The following NRXN1 variants were observed in gnomAD, a reference collection of about 807,000 sequenced individuals.
The protein encoded by NRXN1 is neurexin 1.
Under a neutral mutation model 150.9 loss-of-function variants are expected in NRXN1, and 39 were observed. The observed-to-expected ratio is 0.26, with a 90% CI of 0.20 to 0.34. NRXN1 has a LOEUF of 0.34. NRXN1 is among the 10% of genes least tolerant of loss of function. The probability of loss-of-function intolerance (pLI) is 1.00; values close to 1 mark genes in which losing one functional copy is unlikely to be tolerated. For synonymous variants in NRXN1, 924 were observed against 757.0 expected (o/e 1.22, Z -3.62); for missense variants, 1,815 against 1,949.9 (o/e 0.93, Z 1.30).
At chr2:50,368,258 C>A (rs1258100564) in intron 17 of NRXN1, among the ~76,000 whole-genome samples, 1 of 151,804 alleles carries the variant, frequency 6.6e-6, no homozygotes, top group Non-Finnish European at 1.5e-5. Flanking sequence ...ACATTTTCAA[C>A]TGGTGGGATA....
At chr2:50,367,377 C>T (rs2079660035) in intron 17 of NRXN1, among the ~76,000 whole-genome samples, 2 of 152,014 alleles carry the variant, frequency 1.3e-5, no homozygotes, top group African/African-American at 4.8e-5. Context: ...GTAAGAAACA[C>T]ATCTTCCCAG....
At chr2:50,195,704 C>A (rs1520520) in intron 18 of NRXN1, among the ~76,000 whole-genome samples, 2,877 of 152,182 alleles carry the variant, frequency 0.019, 96 homozygotes, top group African/African-American at 0.066. Flanking sequence ...GAGAAACTGG[C>A]AATAACTATG....
intron 21 of NRXN1, among the ~76,000 whole-genome samples, chr2:49,952,505 C>A (rs1352735097): frequency 6.6e-6 from 1 of 151,952 alleles, no homozygotes; most frequent in Non-Finnish European, 1.5e-5. Context: ...ATGGAGTTAA[C>A]CCAGAGAGTT....
At chr2:50,026,930 G>C (rs1185145850) in intron 21 of NRXN1, among the ~76,000 whole-genome samples, 3 of 125,784 alleles carry the variant, frequency 2.4e-5, no homozygotes, top group African/African-American at 9.4e-5. Flanking sequence ...ACCCAGGCTG[G>C]AGTGCCAGTG....
intron 21 of NRXN1, among the ~76,000 whole-genome samples, chr2:49,960,887 C>T (rs1675820039): frequency 6.6e-6 from 1 of 152,084 alleles, no homozygotes; most frequent in African/African-American, 2.4e-5. Context: ...ATTCTTTTCC[C>T]CATAAATGGA....
intron 17 of NRXN1, among the ~76,000 whole-genome samples, chr2:50,279,232 C>CG (rs2152930801): frequency 6.6e-6 from 1 of 152,214 alleles, no homozygotes; most frequent in South Asian, 2.1e-4. Context: ...TAAAACAGCC[C>CG]TAAGGTACTG....
intron 5 of NRXN1, among the ~76,000 whole-genome samples, chr2:50,847,337 G>T (rs896982792): frequency 2.0e-5 from 3 of 152,276 alleles, no homozygotes; most frequent in African/African-American, 4.8e-5. Context: ...GGCGTTTAGA[G>T]GGATATATCA....
chr2:50,646,373 G>A (rs75178938), intron 5 of NRXN1, among the ~76,000 whole-genome samples: 1,774 of 152,128 alleles, frequency 0.012, 36 homozygotes, highest in African/African-American at 0.04. Context: ...AGTGGAAGCA[G>A]GAAATACTCT....
intron 18 of NRXN1, among the ~76,000 whole-genome samples, chr2:50,165,675 T>A (rs914309438): frequency 3.3e-5 from 5 of 152,126 alleles, no homozygotes; most frequent in African/African-American, 1.2e-4. Flanking sequence ...TCATTTAAGG[T>A]CTCTGAGCCT....
intron 5 of NRXN1, among the ~76,000 whole-genome samples, chr2:50,875,257 A>C (rs1490451313): frequency 6.6e-6 from 1 of 151,838 alleles, no homozygotes; most frequent in East Asian, 2.0e-4. Context: ...TGACCATATA[A>C]CTTCTTCACT....
chr2:50,061,115 T>A (rs544335169), intron 19 of NRXN1, among the ~76,000 whole-genome samples: 15 of 152,324 alleles, frequency 9.8e-5, no homozygotes, highest in South Asian at 4.1e-4. Context: ...GGAAGTATAT[T>A]ATTTTAAATA....
At chr2:49,975,063 C>G (rs1164858824) in intron 21 of NRXN1, among the ~76,000 whole-genome samples, 3 of 150,972 alleles carry the variant, frequency 2.0e-5, no homozygotes, top group Non-Finnish European at 3.0e-5. Context: ...TGTTTACACA[C>G]TTCTTCAATG....
chr2:50,221,404 C>A (rs1012037479), intron 18 of NRXN1, among the ~76,000 whole-genome samples: 39 of 152,080 alleles, frequency 2.6e-4, no homozygotes, highest in African/African-American at 9.2e-4. Flanking sequence ...ACAGCCACGG[C>A]ATTAACAAAT....
intron 17 of NRXN1, among the ~76,000 whole-genome samples, chr2:50,465,023 A>C (rs1050209439): frequency 3.9e-5 from 6 of 151,988 alleles, no homozygotes; most frequent in African/African-American, 1.2e-4. Flanking sequence ...GGGCTTAAAG[A>C]GATGTACGCA....
intron 8 of NRXN1, among the ~76,000 whole-genome samples, chr2:50,591,438 A>AGATAGATAGATG (rs1674225730): frequency 6.9e-6 from 1 of 145,656 alleles, no homozygotes; most frequent in African/African-American, 2.5e-5. Flanking sequence ...ATAGATAGAT[A>AGATAGATAGATG]GATGTATACT....
chr2:49,948,563 AATC>A (rs1371784620), intron 21 of NRXN1, among the ~76,000 whole-genome samples: 2 of 152,192 alleles, frequency 1.3e-5, no homozygotes, highest in African/African-American at 2.4e-5. Context: ...GCTTGGCAAA[AATC>A]ATCATCGCAG....
At chr2:50,664,565 C>G (rs982796592) in intron 5 of NRXN1, among the ~76,000 whole-genome samples, 30 of 151,590 alleles carry the variant, frequency 2.0e-4, no homozygotes, top group African/African-American at 7.3e-4. Flanking sequence ...AGGCAAAGCC[C>G]TTGATTCGCT....
chr2:50,235,708 C>T (rs2065349713), intron 18 of NRXN1, among the ~76,000 whole-genome samples: 1 of 151,940 alleles, frequency 6.6e-6, no homozygotes, highest in Admixed American at 6.6e-5. Context: ...GGAGAGTGAG[C>T]ACTGATAGAA....
intron 18 of NRXN1, among the ~76,000 whole-genome samples, chr2:50,094,615 T>A (rs1699982799): frequency 1.3e-5 from 2 of 152,118 alleles, no homozygotes; most frequent in South Asian, 4.1e-4. Context: ...GAGATATTGA[T>A]GTACCAGGAG....
Sources: allele counts gnomAD v4.1 joint callset (sites outside exome capture counted in the v4.1 genomes callset), GRCh38; gene constraint gnomAD v4.1.1; transcripts MANE v1.5; gene names NCBI Gene and HGNC (gene_info 2026-07-23, HGNC 2026-07-21).